Variants in RNPEP observed in about 807,000 individuals in gnomAD.
The protein encoded by RNPEP is arginyl aminopeptidase, also known as aminopeptidase B.
A neutral mutation model predicts 70.1 loss-of-function variants in RNPEP; 57 were observed. The ratio of observed to expected loss-of-function variants is 0.81; its 90% CI spans 0.66 to 1.01. RNPEP has a LOEUF of 1.01. Ranked by LOEUF, RNPEP falls within the 50% of genes least tolerant of loss-of-function variation. The probability of loss-of-function intolerance (pLI) is 0.00; values close to 1 mark genes in which losing one functional copy is unlikely to be tolerated. For synonymous variants in RNPEP, 335 were observed against 357.4 expected (o/e 0.94, Z 0.71); for missense variants, 787 against 852.4 (o/e 0.92, Z 0.96).
At chr1:201,985,959 T>C (rs1250624767) in intron 1 of RNPEP, among the ~76,000 whole-genome samples, 1 of 152,236 alleles carries the variant, frequency 6.6e-6, no homozygotes, top group Non-Finnish European at 1.5e-5. Context: ...GGTCTTGCTC[T>C]GTCATCCAGG....
intron 1 of RNPEP, among the ~76,000 whole-genome samples, chr1:201,986,058 G>A (rs1207934150): frequency 6.6e-6 from 1 of 152,148 alleles, no homozygotes; most frequent in Non-Finnish European, 1.5e-5. Flanking sequence ...CCAAGTAGCT[G>A]GGACTACAGG....
intron 5 of RNPEP, among the ~76,000 whole-genome samples, 154 bp from the exon 6 acceptor site, chr1:201,999,748 C>A (rs1390465100): frequency 6.6e-6 from 1 of 152,102 alleles, no homozygotes; most frequent in African/African-American, 2.4e-5. Flanking sequence ...CCTATTTGCC[C>A]TGGGTCCCCA....
At chr1:201,984,077 T>G (rs1683038446) in intron 1 of RNPEP, among the ~76,000 whole-genome samples, 1 of 152,134 alleles carries the variant, frequency 6.6e-6, no homozygotes, top group Non-Finnish European at 1.5e-5. Flanking sequence ...ACTACAGGCG[T>G]GCGCCACCAC....
At chr1:201,994,761 G>A (rs929918180) in intron 3 of RNPEP, among the ~76,000 whole-genome samples, 1 of 150,058 alleles carries the variant, frequency 6.7e-6, no homozygotes, top group Non-Finnish European at 1.5e-5. Context: ...CTGCCACCCA[G>A]GTTCAAGCGA....
chr1:201,983,312 C>CCTT (rs60731568), intron 1 of RNPEP, 199 bp downstream of exon 1: 856,676 of 1,450,018 alleles, frequency 0.59, 255,060 homozygotes, highest in Non-Finnish European at 0.6. Context: ...TGCCTGGTTT[C>CCTT]CTTCTGGACT....
At chr1:201,983,216 A>T (rs1683004944) in intron 1 of RNPEP, 103 bp downstream of exon 1, 1 of 1,417,630 alleles carries the variant, frequency 7.1e-7, no homozygotes. Flanking sequence ...GACAGGGAGG[A>T]CCCTTCCAGA....
At position 201,986,267 on chromosome 1, in the gene RNPEP, A is replaced by AT. The variant is rs544742758; in HGVS notation, c.448-2631dup. Among the ~76,000 whole-genome samples the AT allele has an allele frequency of 1.6e-3, 222 of 141,688 alleles. 1 individual carries two copies. Among genetic ancestry groups the AT allele is most frequent in the African/African-American group, 5.4e-3 (210 of 38,664 alleles). The allele number at this position is 141,688 out of a possible 152,430, so 93.0% of individuals were successfully genotyped here. ...TTTTGTTTTTTATTTTTTTATTTTT[A>AT]TTTTTTCTGTAGAGACAGGGTCCCC... On this transcript the variant is annotated intron_variant, in intron 1 of 10. Transcript: ENST00000295640.
At chr1:201,993,911 C>T (rs10920297) in intron 3 of RNPEP, among the ~76,000 whole-genome samples, 1 of 151,278 alleles carries the variant, frequency 6.6e-6, no homozygotes, top group Non-Finnish European at 1.5e-5. Context: ...GAAACCCCCC[C>T]ACCCCACAAT....
intron 6 of RNPEP, among the ~76,000 whole-genome samples, chr1:202,000,831 T>G (rs1558266877): frequency 6.7e-6 from 1 of 149,990 alleles, no homozygotes; most frequent in African/African-American, 2.5e-5. Context: ...GAGGCAGAGG[T>G]TGCAGTGAGC....
intron 6 of RNPEP, among the ~76,000 whole-genome samples, chr1:202,000,648 C>T (rs74759234): frequency 1.9e-3 from 283 of 152,236 alleles, no homozygotes; most frequent in Middle Eastern, 0.01. Flanking sequence ...TGGTTCACGC[C>T]TGTAATCCCA....
At chr1:201,984,565 G>A (rs2102958156) in intron 1 of RNPEP, among the ~76,000 whole-genome samples, 1 of 152,202 alleles carries the variant, frequency 6.6e-6, no homozygotes, top group South Asian at 2.1e-4. Context: ...TTCACAGCCT[G>A]ATAACACCAC....
rs1366333057 is a variant in RNPEP at position 201,989,373 on chromosome 1, C to T, written c.589-10C>T. On this transcript the variant is annotated splice_polypyrimidine_tract_variant and intron_variant, in intron 2 of 10. Transcript: ENST00000295640. ...CCAGGTAAAATCTCCTAAGCTTTCT[C>T]TGTTGTCAGGTCCCAGATGGCTTCA... 2 of 1,612,852 alleles carry T rather than the reference C, an allele frequency of 1.2e-6. No homozygotes were observed. Among genetic ancestry groups the T allele is most frequent in the Non-Finnish European group, 1.7e-6 (2 of 1,179,646 alleles).
At chr1:201,984,246 T>C (rs1045009529) in intron 1 of RNPEP, among the ~76,000 whole-genome samples, 11 of 152,238 alleles carry the variant, frequency 7.2e-5, no homozygotes, top group African/African-American at 2.2e-4. Flanking sequence ...AGCTTGGTTT[T>C]ATACATTAGG....
At chr1:201,998,230 CTTTT>C (rs34549362) in intron 5 of RNPEP, among the ~76,000 whole-genome samples, 41,988 of 116,578 alleles carry the variant, frequency 0.36, 7,201 homozygotes, top group Non-Finnish European at 0.43. Flanking sequence ...TGGGTCTGAA[CTTTT>C]TTTTTTTTTT....
Position 202,003,993 on chromosome 1 carries a change from A to C in RNPEP, c.1652-361A>C, listed in dbSNP as rs10800806. On this transcript the variant is annotated intron_variant, in intron 9 of 10. Coordinates refer to ENST00000295640, the MANE Select transcript of RNPEP (RefSeq NM_020216.4). ...TTAGAGCCAAGATGACTTTTAGCAGATGAGTGGTAGGAGAAAAAATGGGAC... is the reference window on the plus strand; with the variant it reads ...TTAGAGCCAAGATGACTTTTAGCAGCTGAGTGGTAGGAGAAAAAATGGGAC... 1.6e-3 allele frequency among the ~76,000 whole-genome samples: 239 copies of C among 152,204 alleles called. 1 individual carries two copies. Among genetic ancestry groups the C allele is most frequent in the African/African-American group, 5.5e-3 (229 of 41,464 alleles).
intron 10 of RNPEP, among the ~76,000 whole-genome samples, chr1:202,005,352 T>C (rs1684012116): frequency 6.6e-6 from 1 of 152,168 alleles, no homozygotes; most frequent in African/African-American, 2.4e-5. Flanking sequence ...GGGACGCGTA[T>C]TGAGATCCAT....
In RNPEP at chr1:201,982,917, C is replaced by G. The variant is rs1003224340; in HGVS notation, c.251C>G (p.Pro84Arg). Residue 84 changes from proline (P) to arginine (R), a missense_variant, in exon 1 of 11, where the codon CCG becomes CGG. Pro to Arg is a moderately radical substitution (Grantham distance 103). Coordinates refer to ENST00000295640, the MANE Select transcript of RNPEP (RefSeq NM_020216.4). ...GAAELRLDSHPCLEVTAAALR... is the reference protein window; with the variant it reads ...GAAELRLDSHRCLEVTAAALR... ...GCCGAGCTGCGGCTGGACTCGCACC[C>G]GTGCCTGGAGGTGACGGCGGCGGCG... 2 of 1,478,076 alleles carry G rather than the reference C, an allele frequency of 1.4e-6. No homozygotes were observed. Among genetic ancestry groups the G allele is most frequent in the Non-Finnish European group, 1.8e-6 (2 of 1,118,096 alleles). The allele number at this position is 1,478,076 out of a possible 1,614,324, so 91.6% of individuals were successfully genotyped here.
chr1:202,000,807 T>C (rs1683764998), intron 6 of RNPEP, among the ~76,000 whole-genome samples: 1 of 150,690 alleles, frequency 6.6e-6, no homozygotes, highest in Admixed American at 6.7e-5. Context: ...GGCAGGAGAA[T>C]CGCTCGACCC....
intron 1 of RNPEP, among the ~76,000 whole-genome samples, chr1:201,987,805 A>G (rs1392997007): frequency 6.6e-6 from 1 of 152,134 alleles, no homozygotes; most frequent in East Asian, 1.9e-4. Context: ...TGCCTATTAT[A>G]TAAAATACCT....
Sources: gnomAD v4.1 joint callset for allele counts (sites outside exome capture counted in the v4.1 genomes callset) on GRCh38, gnomAD v4.1.1 for gene constraint, MANE v1.5 for transcripts, NCBI Gene and HGNC (gene_info 2026-07-23, HGNC 2026-07-21) for gene names.